Variants in ARAP2 observed in about 807,000 individuals in gnomAD.
The protein encoded by ARAP2 is arf-GAP with Rho-GAP domain, ANK repeat and PH domain-containing protein 2.
ARAP2 carries 148 observed loss-of-function variants against 194.5 expected under a neutral mutation model. The ratio of observed to expected loss-of-function variants is 0.76; its 90% CI spans 0.67 to 0.87. The LOEUF is 0.87. Among genes scored for constraint, ARAP2 ranks in the 40% least tolerant of loss-of-function variants. The pLI is 0.00. For missense variants in ARAP2, 2,128 were observed against 1,989.7 expected (o/e 1.07, Z -1.32); for synonymous variants, 695 against 683.5 (o/e 1.02, Z -0.26).
Position 36,229,230 on chromosome 4 carries a change from T to G in ARAP2, c.257A>C (p.Asn86Thr). 6.2e-7 allele frequency: 1 copy of G among 1,614,098 alleles called. No homozygotes were observed. Among genetic ancestry groups the G allele is most frequent in the Non-Finnish European group, 8.5e-7 (1 of 1,179,972 alleles). ...IYANVHKTKK[N>T]DDPSKDYHVP... ...ATGGTAATCCTTTGAAGGGTCATCA[T>G]TCTTCTTAGTTTTATGAACATTTGC... Residue 86 changes from asparagine to threonine, a missense_variant, in exon 2 of 33, where the codon AAT becomes ACT. Transcript: ENST00000303965.
intron 9 of ARAP2, among the ~76,000 whole-genome samples, chr4:36,175,895 A>G (rs531356912): frequency 6.6e-6 from 1 of 152,250 alleles, no homozygotes; most frequent in East Asian, 1.9e-4. Flanking sequence ...CATCCATCAT[A>G]TATTCTGGTC....
At chr4:36,038,310 T>A (rs1720278355) in intron 5 of ARAP2, among the ~76,000 whole-genome samples, 1 of 152,158 alleles carries the variant, frequency 6.6e-6, no homozygotes, top group Non-Finnish European at 1.5e-5. Flanking sequence ...ACTACTTGTC[T>A]CAAAAGACTA....
chr4:36,040,206 A>G (rs1479749777), intron 5 of ARAP2, among the ~76,000 whole-genome samples: 1 of 152,208 alleles, frequency 6.6e-6, no homozygotes, highest in Non-Finnish European at 1.5e-5. Flanking sequence ...ATTCCTTCCA[A>G]TGACACATAA....
At chr4:36,014,267 A>AGG (rs777364886) in intron 8 of ARAP2, among the ~76,000 whole-genome samples, 1 of 147,086 alleles carries the variant, frequency 6.8e-6, no homozygotes, top group African/African-American at 2.6e-5. Context: ...GAAAGAAAGA[A>AGG]AGAAAGAAAG....
At chr4:36,110,702 C>G (rs1265629896) in intron 26 of ARAP2, among the ~76,000 whole-genome samples, 1 of 151,820 alleles carries the variant, frequency 6.6e-6, no homozygotes, top group African/African-American at 2.4e-5. Flanking sequence ...TATTTTCCCA[C>G]GAATCTGACT....
intron 27 of ARAP2, among the ~76,000 whole-genome samples, chr4:36,107,221 GC>G (rs2109464138): frequency 6.6e-6 from 1 of 152,024 alleles, no homozygotes; most frequent in East Asian, 1.9e-4. Context: ...TGCCTAGAAA[GC>G]TTTCTAATGT....
chr4:36,126,470 A>G, intron 21 of ARAP2, among the ~76,000 whole-genome samples: 1 of 152,012 alleles, frequency 6.6e-6, no homozygotes, highest in East Asian at 1.9e-4. Context: ...GTCCTCCTAG[A>G]AGAACAGATC....
intron 20 of ARAP2, among the ~76,000 whole-genome samples, chr4:36,132,298 G>A (rs1024961988): frequency 2.6e-5 from 4 of 151,764 alleles, no homozygotes; most frequent in Middle Eastern, 6.8e-3. Flanking sequence ...ATAACACAAT[G>A]CTTTACTGCA....
intron 6 of ARAP2, among the ~76,000 whole-genome samples, chr4:36,016,998 T>C (rs1715935366): frequency 6.6e-6 from 1 of 152,054 alleles, no homozygotes; most frequent in African/African-American, 2.4e-5. Context: ...TCATTGTCAT[T>C]TAAAGGTCAG....
intron 5 of ARAP2, among the ~76,000 whole-genome samples, chr4:36,023,979 G>A (rs960466088): frequency 1.3e-5 from 2 of 151,598 alleles, no homozygotes; most frequent in African/African-American, 2.4e-5. Flanking sequence ...AAAAAATGAC[G>A]TTTGTGATTC....
intron 31 of ARAP2, among the ~76,000 whole-genome samples, chr4:36,075,192 ATCACTGATG>A (rs1458596218): frequency 1.3e-5 from 2 of 152,166 alleles, no homozygotes; most frequent in Admixed American, 1.3e-4. Flanking sequence ...ACACTTTCAA[ATCACTGATG>A]TGTAGTGCAT....
At chr4:36,162,623 T>A (rs1578131002) in intron 11 of ARAP2, among the ~76,000 whole-genome samples, 2 of 144,386 alleles carry the variant, frequency 1.4e-5, no homozygotes, top group Admixed American at 6.9e-5. Flanking sequence ...TTTTTTTAAG[T>A]AGAAACTATT....
At chr4:36,161,204 A>G (rs1039262879) in intron 12 of ARAP2, among the ~76,000 whole-genome samples, 2 of 151,788 alleles carry the variant, frequency 1.3e-5, no homozygotes, top group African/African-American at 4.8e-5. Context: ...CAGTTCTAGC[A>G]TTAAAAAAAA....
chr4:36,121,354 G>C, intron 22 of ARAP2, 28 bp from the exon 23 acceptor site: 1 of 1,530,976 alleles, frequency 6.5e-7, no homozygotes, highest in Non-Finnish European at 8.8e-7. Flanking sequence ...AGTTTATTAT[G>C]ATACACTTTT....
chr4:36,174,323 T>A (rs745830507), intron 9 of ARAP2, among the ~76,000 whole-genome samples: 24 of 152,126 alleles, frequency 1.6e-4, no homozygotes, highest in African/African-American at 4.6e-4. Flanking sequence ...TGTGCAAAAA[T>A]TAAAGCAGAA....
At chr4:36,021,360 T>C (rs985088151) in intron 5 of ARAP2, among the ~76,000 whole-genome samples, 2 of 152,224 alleles carry the variant, frequency 1.3e-5, no homozygotes, top group African/African-American at 4.8e-5. Flanking sequence ...TGTTCAATTG[T>C]AATCCCCTCT....
chr4:36,112,435 A>T (rs966255661), intron 26 of ARAP2, among the ~76,000 whole-genome samples: 5 of 151,984 alleles, frequency 3.3e-5, no homozygotes, highest in Non-Finnish European at 5.9e-5. Flanking sequence ...GAGGAAATAA[A>T]GGGTTTTATG....
At position 36,214,408 on chromosome 4, in the gene ARAP2, A is replaced by G. The variant is rs1484108496; in HGVS notation, c.964+14T>C. 3 of 1,586,224 alleles carry G rather than the reference A, an allele frequency of 1.9e-6. No individual in the cohort carries two copies. Among genetic ancestry groups the G allele is most frequent in the Non-Finnish European group, 2.6e-6 (3 of 1,163,614 alleles). ...GAGCTCTAATTTAAGGAGACATTAA[A>G]CACATAGACTCACTTTGCCATGCCA... On this transcript the variant is annotated intron_variant, in intron 3 of 32. Transcript: ENST00000303965.
At chr4:36,200,783 G>A (rs536207261) in intron 6 of ARAP2, among the ~76,000 whole-genome samples, 6 of 152,008 alleles carry the variant, frequency 3.9e-5, no homozygotes, top group Middle Eastern at 3.4e-3. Context: ...TTCACTATCC[G>A]GCAACTAATT....
Sources: allele counts gnomAD v4.1 joint callset (sites outside exome capture counted in the v4.1 genomes callset), GRCh38; gene constraint gnomAD v4.1.1; transcripts MANE v1.5; gene names NCBI Gene and HGNC (gene_info 2026-07-23, HGNC 2026-07-21).